CFAP299: variants seen among roughly 807,000 people sequenced by gnomAD.
The protein encoded by CFAP299 is cilia and flagella associated protein 299, also known as cilia- and flagella-associated protein 299.
A neutral mutation model predicts 27.0 loss-of-function variants in CFAP299; 21 were observed. The ratio of observed to expected loss-of-function variants is 0.78; its 90% CI spans 0.55 to 1.12. CFAP299 has a LOEUF of 1.12. Ranked by LOEUF, CFAP299 falls within the 50% of genes most tolerant of loss-of-function variation. The probability of loss-of-function intolerance (pLI) is 0.00; values close to 1 mark genes in which losing one functional copy is unlikely to be tolerated. For synonymous variants in CFAP299, 104 were observed against 98.1 expected (o/e 1.06, Z -0.36); for missense variants, 310 against 276.6 (o/e 1.12, Z -0.86).
At chr4:80,335,927 CCCT>C (rs1410557024) in intron 1 of CFAP299, 48 bp downstream of exon 1, 13 of 1,208,830 alleles carry the variant, frequency 1.1e-5, no homozygotes, top group Non-Finnish European at 1.6e-5. Flanking sequence ...GTCCCTCGGT[CCCT>C]CCTCGAGTTC....
chr4:80,845,165 G>T (rs542288219), intron 3 of CFAP299, among the ~76,000 whole-genome samples: 28 of 152,076 alleles, frequency 1.8e-4, no homozygotes, highest in Non-Finnish European at 3.8e-4. Flanking sequence ...TAGCCTTGTA[G>T]TATAGTTTGA....
At chr4:80,397,114 T>C (rs1186644068) in intron 2 of CFAP299, among the ~76,000 whole-genome samples, 1 of 150,364 alleles carries the variant, frequency 6.7e-6, no homozygotes, top group African/African-American at 2.4e-5. Context: ...CTTGGGAGGG[T>C]GTATGTGTCC....
At chr4:80,449,711 AT>A (rs1453802289) in intron 2 of CFAP299, among the ~76,000 whole-genome samples, 1 of 151,716 alleles carries the variant, frequency 6.6e-6, no homozygotes, top group African/African-American at 2.4e-5. Context: ...TAATTTCTGA[AT>A]TTTTTATGAC....
intron 2 of CFAP299, among the ~76,000 whole-genome samples, chr4:80,462,476 G>A (rs1003387245): frequency 1.3e-5 from 2 of 152,060 alleles, no homozygotes; most frequent in Non-Finnish European, 2.9e-5. Context: ...CACTCCTCAG[G>A]TCTTTCTCTG....
chr4:80,651,026 A>G (rs1740250143), intron 3 of CFAP299, among the ~76,000 whole-genome samples: 1 of 152,102 alleles, frequency 6.6e-6, no homozygotes, highest in Non-Finnish European at 1.5e-5. Context: ...AAAAAATTAA[A>G]AAAATATTTT....
intron 1 of CFAP299, among the ~76,000 whole-genome samples, chr4:80,358,783 C>G (rs906068505): frequency 1.3e-5 from 2 of 152,090 alleles, no homozygotes; most frequent in Non-Finnish European, 2.9e-5. Context: ...GCTTGCCACT[C>G]TATGTCTTCT....
chr4:80,692,082 G>A (rs1720747778), intron 3 of CFAP299, among the ~76,000 whole-genome samples: 1 of 152,166 alleles, frequency 6.6e-6, no homozygotes, highest in Non-Finnish European at 1.5e-5. Flanking sequence ...ATGCTCATAG[G>A]TAGGAAGAAT....
chr4:80,881,227 G>C (rs1733688730), intron 4 of CFAP299, among the ~76,000 whole-genome samples: 1 of 152,180 alleles, frequency 6.6e-6, no homozygotes, highest in Non-Finnish European at 1.5e-5. Context: ...GGAAAGGGGA[G>C]GGCAGCCCCT....
At chr4:80,393,536 G>A (rs1725610678) in intron 2 of CFAP299, among the ~76,000 whole-genome samples, 2 of 152,012 alleles carry the variant, frequency 1.3e-5, no homozygotes, top group Admixed American at 1.3e-4. Context: ...CATTTTTTAT[G>A]CTATATTTTT....
At position 80,480,410 on chromosome 4, in the gene CFAP299, T is replaced by C. The variant is rs115698338; in HGVS notation, c.243-102683T>C. Among the ~76,000 whole-genome samples the C allele has an allele frequency of 5.9e-3, 897 of 152,020 alleles. 7 individuals carry two copies. Among genetic ancestry groups the C allele is most frequent in the African/African-American group, 0.02 (836 of 41,512 alleles). ...GAAAAAGGAAGCAAAGCAAATAAAATATTTGTTTGATTACAGTTATACAGT... is the reference window on the plus strand; with the variant it reads ...GAAAAAGGAAGCAAAGCAAATAAAACATTTGTTTGATTACAGTTATACAGT... On this transcript the variant is annotated intron_variant, in intron 2 of 5. Coordinates refer to ENST00000358105, the MANE Select transcript of CFAP299 (RefSeq NM_152770.3).
At chr4:80,807,896 G>T (rs2110114607) in intron 3 of CFAP299, among the ~76,000 whole-genome samples, 1 of 151,996 alleles carries the variant, frequency 6.6e-6, no homozygotes, top group East Asian at 1.9e-4. Context: ...GGAGGTAAGG[G>T]GACATCATTG....
intron 2 of CFAP299, among the ~76,000 whole-genome samples, chr4:80,414,152 G>A (rs2110063934): frequency 7.0e-6 from 1 of 142,678 alleles, no homozygotes; most frequent in South Asian, 2.2e-4. Context: ...CTCACTGCAA[G>A]CTCCGCCTCC....
At chr4:80,698,687 G>A (rs980544164) in intron 3 of CFAP299, among the ~76,000 whole-genome samples, 6 of 152,216 alleles carry the variant, frequency 3.9e-5, no homozygotes, top group Non-Finnish European at 8.8e-5. Flanking sequence ...TTGACTCACA[G>A]TTCCACATGG....
At chr4:80,673,153 A>G (rs1741603264) in intron 3 of CFAP299, among the ~76,000 whole-genome samples, 1 of 152,178 alleles carries the variant, frequency 6.6e-6, no homozygotes. Context: ...ATTTAGTGCT[A>G]TAAACTTCCC....
chr4:80,447,196 C>G (rs539082215), intron 2 of CFAP299, among the ~76,000 whole-genome samples: 10 of 121,720 alleles, frequency 8.2e-5, no homozygotes, highest in African/African-American at 3.3e-4. Context: ...AGTGCAGTGG[C>G]GGGATCTCGG....
chr4:80,835,349 C>T (rs35227775), intron 3 of CFAP299, among the ~76,000 whole-genome samples: 21,271 of 151,960 alleles, frequency 0.14, 2,044 homozygotes, highest in African/African-American at 0.26. Context: ...CCGCCCGCCT[C>T]GGCCTGCTTC....
chr4:80,629,885 CAA>C (rs35985770), intron 3 of CFAP299, among the ~76,000 whole-genome samples: 4 of 144,978 alleles, frequency 2.8e-5, no homozygotes, highest in African/African-American at 1.0e-4. Context: ...AAAAAAAAAA[CAA>C]AAAAAACAAA....
At chr4:80,923,507 G>A (rs540951025) in intron 4 of CFAP299, among the ~76,000 whole-genome samples, 29 of 152,138 alleles carry the variant, frequency 1.9e-4, no homozygotes, top group Non-Finnish European at 3.8e-4. Context: ...GTAGCCAACT[G>A]TATGTGTGTG....
chr4:80,685,800 A>C (rs549032601), intron 3 of CFAP299, among the ~76,000 whole-genome samples: 18 of 152,196 alleles, frequency 1.2e-4, no homozygotes, highest in Non-Finnish European at 2.2e-4. Flanking sequence ...CCTTCTCTTC[A>C]CACACCCTGA....
Sources: allele counts gnomAD v4.1 joint callset (sites outside exome capture counted in the v4.1 genomes callset), GRCh38; gene constraint gnomAD v4.1.1; transcripts MANE v1.5; gene names NCBI Gene and HGNC (gene_info 2026-07-23, HGNC 2026-07-21).